VEGFB: variants seen among roughly 807,000 people sequenced by gnomAD.
VEGFB encodes VEGF-related factor.
VEGFB carries 24 observed loss-of-function variants against 22.5 expected under a neutral mutation model. That is an observed-to-expected ratio of 1.07 (90% confidence interval 0.77 to 1.50). The LOEUF is 1.50. Ranked by LOEUF, VEGFB falls within the 40% of genes most tolerant of loss-of-function variation. The pLI is 0.00. For missense variants in VEGFB, 327 were observed against 287.8 expected, an observed-to-expected ratio of 1.14 and a Z score of -0.99; for synonymous variants, 141 against 117.4, an observed-to-expected ratio of 1.20 and a Z score of -1.30.
intron 3 of VEGFB, 27 bp downstream of exon 3, chr11:64,236,036 G>C (rs780191557): frequency 6.4e-7 from 1 of 1,561,768 alleles, no homozygotes; most frequent in Admixed American, 1.9e-5. Flanking sequence ...GCAACGGGCA[G>C]GGGATGCAGG....
At chr11:64,235,024 G>T (rs570654216) in intron 1 of VEGFB, 131 bp downstream of exon 1, 125 of 744,362 alleles carry the variant, frequency 1.7e-4, no homozygotes, top group Middle Eastern at 9.0e-4. Flanking sequence ...GGCGTCTCGG[G>T]GGCCCGGCGC....
intron 4 of VEGFB, among the ~76,000 whole-genome samples, chr11:64,236,890 C>G (rs1262611131): frequency 6.8e-6 from 1 of 148,060 alleles, no homozygotes; most frequent in Admixed American, 6.7e-5. Context: ...ACCAGCCTGG[C>G]CAACATGGTG....
rs192278152 is a variant in VEGFB, at chr11:64,236,806, T to C, written c.375-381T>C. 8.5e-3 allele frequency among the ~76,000 whole-genome samples: 1,089 copies of C among 127,740 alleles called. 47 individuals carry two copies. In the Middle Eastern group the frequency reaches 0.14, roughly 16 times the overall value. The allele number at this position is 127,740 out of a possible 152,430, so 83.8% of individuals were successfully genotyped here. ...CAAAGTAGGATGCTTGGGCCGGGGG[T>C]AGTGGCTCACACCTATAATCCCAGC... On this transcript the variant is annotated intron_variant, in intron 4 of 6. Coordinates refer to ENST00000309422, the MANE Select transcript of VEGFB (RefSeq NM_003377.5).
chr11:64,237,470 A>C lies in VEGFB; in HGVS notation c.461A>C (p.Asp154Ala). The change falls in exon 6 of 7, where the codon GAC becomes GCC. Residue 154 changes from aspartate (D) to alanine (A), a missense_variant. Transcript: ENST00000309422. ...CAGCCCCGTTCTGTTCCGGGCTGGG[A>C]CTCTGCCCCCGGAGCACCCTCCCCA... ...RPQPRSVPGW[D>A]SAPGAPSPAD... 2 of 1,610,444 alleles carry C rather than the reference A, an allele frequency of 1.2e-6. No individual in the cohort carries two copies. The highest frequency in any genetic ancestry group is 1.3e-5 in the African/African-American group (1 of 74,284).
Position 64,237,165 on chromosome 11 carries a change from GTCTGTC to G in VEGFB, c.375-20_375-15del, listed in dbSNP as rs745339749. 1.0e-5 allele frequency: 16 copies of G among 1,591,278 alleles called. No individual in the cohort carries two copies. In the East Asian group the frequency reaches 2.3e-4, roughly 23 times the overall value. On this transcript the variant is annotated splice_polypyrimidine_tract_variant and intron_variant, in intron 4 of 6. Coordinates refer to ENST00000309422, the MANE Select transcript of VEGFB (RefSeq NM_003377.5). ...CCTGATCTTCCTCTTGTTTGTCTGT[GTCTGTC>G]TATCTTACTTTTCAGACCTAAAAAA...
chr11:64,237,843 G>T, intron 6 of VEGFB, 188 bp downstream of exon 6: 2 of 577,566 alleles, frequency 3.5e-6, no homozygotes, highest in Non-Finnish European at 6.0e-6. Context: ...TTCTAACTCA[G>T]GAGTCAGATA....
Position 64,234,933 on chromosome 11 carries a change from C to A in VEGFB, c.60+40C>A. ...ACAGCGCGCCCGCCCGCCCGCCGTG[C>A]CCTCTCTCAAGGTTGGCGGAAGTGA... is the stretch of plus-strand genomic sequence containing the variant. On this transcript the variant is annotated intron_variant, in intron 1 of 6. Transcript: ENST00000309422. This position sits in a 1 kb window ranked among gnomAD's most constrained non-coding sequence, Gnocchi z 5.3. 7.9e-7 allele frequency: 1 copy of A among 1,271,152 alleles called. No individual in the cohort carries two copies. Among genetic ancestry groups the A allele is most frequent in the Non-Finnish European group, 9.9e-7 (1 of 1,006,860 alleles). 78.7% of individuals were successfully genotyped at this position (1,271,152 alleles called of 1,614,324 possible). A position where few individuals can be genotyped will look rare whatever the true frequency, so the allele number is the denominator to read the frequency against.
Position 64,238,712 on chromosome 11 carries a change from CA to C in VEGFB, c.*382del, listed in dbSNP as rs1277154398. ...TCTTCCTCCCCTCACTAAGAAGACCCAAACCTCTGCATAATGGGATTTGGGC... is the reference window on the plus strand; with the variant it reads ...TCTTCCTCCCCTCACTAAGAAGACCCAACCTCTGCATAATGGGATTTGGGC... On this transcript the variant is annotated 3_prime_UTR_variant, in exon 7 of 7. Transcript: ENST00000309422. 1 of 395,594 alleles carries C rather than the reference CA, an allele frequency of 2.5e-6. No individual in the cohort carries two copies. Among genetic ancestry groups the C allele is most frequent in the Non-Finnish European group, 4.7e-6 (1 of 212,428 alleles). 24.5% of individuals were successfully genotyped at this position (395,594 alleles called of 1,614,324 possible).
Position 64,235,991 on chromosome 11 carries a change from G to A in VEGFB, c.282G>A (p.Gln94=). 2 of 1,598,552 alleles carry A rather than the reference G, an allele frequency of 1.3e-6. No homozygotes were observed. ...GCCTGGAGTGTGTGCCCACTGGGCA[G>A]CACCAAGTCCGGATGCAGGTACTGG... ...DDGLECVPTG[Q]HQVRMQILMI... is the part of the protein sequence containing the mutation. The change falls in exon 3 of 7, where the codon CAG becomes CAA. Residue 94 remains glutamine, a synonymous_variant. Coordinates refer to ENST00000309422, the MANE Select transcript of VEGFB (RefSeq NM_003377.5).
At position 64,237,668 on chromosome 11, in the gene VEGFB, T is replaced by A; in HGVS notation, c.*22+13T>A. 6.6e-7 allele frequency: 1 copy of A among 1,507,170 alleles called. No individual in the cohort carries two copies. The highest frequency in any genetic ancestry group is 1.2e-5 in the South Asian group (1 of 83,558). 93.4% of individuals were successfully genotyped at this position (1,507,170 alleles called of 1,614,324 possible). A position where few individuals can be genotyped will look rare whatever the true frequency, so the allele number is the denominator to read the frequency against. On this transcript the variant is annotated intron_variant, in intron 6 of 6. Coordinates refer to ENST00000309422, the MANE Select transcript of VEGFB (RefSeq NM_003377.5). ...CAGACACCTGCAGGTGAGGCGTCTGTGGGGTGGTGTTTGTTTGGGAAGGCA... is the reference window on the plus strand; with the variant it reads ...CAGACACCTGCAGGTGAGGCGTCTGAGGGGTGGTGTTTGTTTGGGAAGGCA...
At chr11:64,237,692 C>A in intron 6 of VEGFB, 37 bp downstream of exon 6, 1 of 1,491,754 alleles carries the variant, frequency 6.7e-7, no homozygotes. Flanking sequence ...TTTGGGAAGG[C>A]ACCAAGGCCC....
Position 64,236,285 on chromosome 11 carries a change from T to TG in VEGFB, c.337dup (p.Glu113GlyfsTer11). Reference sequence around the variant, plus strand: ...ATGATCCGGTACCCGAGCAGTCAGCTGGGGGAGATGTCCCTGGAAGAACAC... The same window carrying TG: ...ATGATCCGGTACCCGAGCAGTCAGCTGGGGGGAGATGTCCCTGGAAGAACAC... On this transcript the variant is annotated frameshift_variant, in exon 4 of 7. Coordinates refer to ENST00000309422, the MANE Select transcript of VEGFB (RefSeq NM_003377.5). LOFTEE classifies it high-confidence loss of function. The TG allele has an allele frequency of 6.2e-7, 1 of 1,613,924 alleles. No individual in the cohort carries two copies. The highest frequency in any genetic ancestry group is 2.2e-5 in the East Asian group (1 of 44,876).
chr11:64,238,364 AGCT>A lies in VEGFB; in HGVS notation c.*34_*36del, dbSNP rs1293334103. On this transcript the variant is annotated 3_prime_UTR_variant, in exon 7 of 7. Transcript: ENST00000309422. ...ACTTCCTCCCTCCTCAGGTGCCGGA[AGCT>A]GCGAAGGTGACACATGGCTTTTCAG... The A allele has an allele frequency of 8.0e-5, 123 of 1,536,040 alleles. No individual in the cohort carries two copies. Among genetic ancestry groups the A allele is most frequent in the Non-Finnish European group, 1.1e-4 (122 of 1,146,874 alleles).
At position 64,234,698 on chromosome 11, in the gene VEGFB, G is replaced by T; in HGVS notation, c.-136G>T. On this transcript the variant is annotated 5_prime_UTR_variant, in exon 1 of 7. Transcript: ENST00000309422. The surrounding 1 kb of genome is among the most constrained non-coding windows in gnomAD (Gnocchi z 5.3). ...CACCCAGGGCTCGGGAGGGGGCCGC[G>T]GAGGAGTCGCCCCCCGCGCCCGGCC... 6.0e-6 allele frequency: 1 copy of T among 167,092 alleles called. No individual in the cohort carries two copies. Among genetic ancestry groups the T allele is most frequent in the Non-Finnish European group, 1.2e-5 (1 of 85,840 alleles). The allele number at this position is 167,092 out of a possible 1,614,324, so 10.4% of individuals were successfully genotyped here.
Position 64,235,911 on chromosome 11 carries a change from C to G in VEGFB, c.202C>G (p.Leu68Val). 1.2e-6 allele frequency: 2 copies of G among 1,613,722 alleles called. No individual in the cohort carries two copies. The highest frequency in any genetic ancestry group is 1.7e-6 in the Non-Finnish European group (2 of 1,179,990). ...VELMGTVAKQLVPSCVTVQRC... is the reference protein window; with the variant it reads ...VELMGTVAKQVVPSCVTVQRC... ...GCTCATGGGCACCGTGGCCAAACAG[C>G]TGGTGCCCAGCTGCGTGACTGTGCA... Residue 68 changes from leucine (L) to valine (V), a missense_variant, in exon 3 of 7, where the codon CTG becomes GTG. Transcript: ENST00000309422.
At position 64,238,381 on chromosome 11, in the gene VEGFB, A is replaced by G; in HGVS notation, c.*48A>G. 3 of 1,536,154 alleles carry G rather than the reference A, an allele frequency of 2.0e-6. No homozygotes were observed. The highest frequency in any genetic ancestry group is 2.4e-5 in the East Asian group (1 of 41,048). On this transcript the variant is annotated 3_prime_UTR_variant, in exon 7 of 7. Coordinates refer to ENST00000309422, the MANE Select transcript of VEGFB (RefSeq NM_003377.5). ...GTGCCGGAAGCTGCGAAGGTGACAC[A>G]TGGCTTTTCAGACTCAGCAGGGTGA...
intron 4 of VEGFB, 94 bp from the exon 5 acceptor site, chr11:64,237,093 G>A (rs1470386185): frequency 1.9e-5 from 2 of 107,388 alleles, no homozygotes; most frequent in Non-Finnish European, 1.8e-5. Context: ...CAAAGAGAGA[G>A]AGAGAGAGAG....
chr11:64,238,281 G>A, intron 6 of VEGFB, 75 bp from the exon 7 acceptor site: 2 of 1,524,748 alleles, frequency 1.3e-6, no homozygotes, highest in South Asian at 2.4e-5. Context: ...ATCTTAGTGG[G>A]CCCGAGGCAC....
chr11:64,235,998 G>A lies in VEGFB; in HGVS notation c.289G>A (p.Val97Ile). 1.3e-6 allele frequency: 2 copies of A among 1,593,646 alleles called. No individual in the cohort carries two copies. The highest frequency in any genetic ancestry group is 1.7e-6 in the Non-Finnish European group (2 of 1,170,462). Reference protein sequence around the residue: ...LECVPTGQHQVRMQILMIRYP... With the variant: ...LECVPTGQHQIRMQILMIRYP... ...GTGTGTGCCCACTGGGCAGCACCAA[G>A]TCCGGATGCAGGTACTGGGCAGGTG... Residue 97 changes from valine (V) to isoleucine (I), a missense_variant, in exon 3 of 7, where the codon GTC (valine) becomes ATC (isoleucine). Val to Ile is a conservative substitution (Grantham distance 29). Coordinates refer to ENST00000309422, the MANE Select transcript of VEGFB (RefSeq NM_003377.5).
Sources: allele counts gnomAD v4.1 joint callset (sites outside exome capture counted in the v4.1 genomes callset), GRCh38; gene constraint gnomAD v4.1.1; non-coding constraint Gnocchi (gnomAD v3.1); transcripts MANE v1.5; gene names NCBI Gene and HGNC (gene_info 2026-07-23, HGNC 2026-07-21).